Variants in CDH18 observed in about 807,000 individuals in gnomAD.
CDH18 encodes the protein cadherin 18, also known as cadherin-18.
CDH18 carries 31 observed loss-of-function variants against 67.9 expected under a neutral mutation model. The observed-to-expected ratio is 0.46, with a 90% CI of 0.34 to 0.62. The LOEUF (loss-of-function observed/expected upper bound fraction) is 0.62, where lower values mean the gene tolerates loss of function less well. Among genes scored for constraint, CDH18 ranks in the 20% least tolerant of loss-of-function variants. CDH18 has a pLI of 0.01. For missense variants in CDH18, 890 were observed against 975.5 expected, an observed-to-expected ratio of 0.91 and a Z score of 1.17; for synonymous variants, 362 against 347.2, an observed-to-expected ratio of 1.04 and a Z score of -0.48.
At chr5:20,224,126 A>G (rs1295780756) in intron 2 of CDH18, among the ~76,000 whole-genome samples, 7 of 152,278 alleles carry the variant, frequency 4.6e-5, no homozygotes. Context: ...ATGTCTTTTA[A>G]CTTGGCCCTT....
At chr5:20,486,892 T>C (rs1252272192) in intron 1 of CDH18, among the ~76,000 whole-genome samples, 1 of 152,144 alleles carries the variant, frequency 6.6e-6, no homozygotes, top group African/African-American at 2.4e-5. Context: ...AAACCAGATA[T>C]GGTTTTTGTT....
intron 5 of CDH18, among the ~76,000 whole-genome samples, chr5:19,671,050 G>A (rs923240582): frequency 1.1e-4 from 17 of 152,168 alleles, no homozygotes; most frequent in Non-Finnish European, 2.5e-4. Context: ...TATGTATGTA[G>A]AGATAAGTAG....
rs1747319090 is a variant in CDH18, at chr5:19,602,609, C to T, written c.811+9825G>A. The stretch of plus-strand genomic sequence containing the variant: ...TGTGGAGAAATTAGAACTCTTGTGC[C>T]CTGTTAGTGGAGCAGTGAAATGGTA... On this transcript the variant is annotated intron_variant, in intron 6 of 12. Transcript: ENST00000382275. Among the ~76,000 whole-genome samples, 4 of 151,608 alleles carry T rather than the reference C, an allele frequency of 2.6e-5. No homozygotes were observed. In the South Asian group the frequency reaches 8.3e-4, roughly 32 times the overall value.
intron 2 of CDH18, among the ~76,000 whole-genome samples, chr5:20,201,866 G>T (rs1209919336): frequency 6.6e-6 from 1 of 152,122 alleles, no homozygotes; most frequent in African/African-American, 2.4e-5. Flanking sequence ...TAAACTGCTA[G>T]CTTGAGTCAA....
chr5:20,439,887 C>T (rs1420854443), intron 1 of CDH18, among the ~76,000 whole-genome samples: 3 of 151,542 alleles, frequency 2.0e-5, no homozygotes, highest in African/African-American at 7.3e-5. Flanking sequence ...TTTTGAAGTA[C>T]TTCCAAAAAT....
chr5:20,266,571 A>ATTTTTTTTTTTT lies in CDH18; in HGVS notation c.-579-11078_-579-11067dup, dbSNP rs34718835. Among the ~76,000 whole-genome samples the ATTTTTTTTTTTT allele has an allele frequency of 2.9e-3, 172 of 59,188 alleles. 8 individuals are homozygous for ATTTTTTTTTTTT. The highest frequency in any genetic ancestry group is 7.4e-3 in the East Asian group (14 of 1,894). 38.8% of individuals were successfully genotyped at this position (59,188 alleles called of 152,430 possible). On this transcript the variant is annotated intron_variant, in intron 1 of 14. Coordinates refer to the CDH18 transcript ENST00000507958. ...GGCACGTGCCGGCACGCCCGGCTGA[A>ATTTTTTTTTTTT]TTTTTTTTTTTTTTTTTTTTTTTTT...
chr5:19,924,144 CA>C (rs1327325091), intron 2 of CDH18, among the ~76,000 whole-genome samples: 1 of 144,578 alleles, frequency 6.9e-6, no homozygotes, highest in Non-Finnish European at 1.5e-5. Context: ...CATTATTAAA[CA>C]AAAACTATAC....
At chr5:19,859,122 C>G (rs1784602955) in intron 2 of CDH18, among the ~76,000 whole-genome samples, 3 of 152,130 alleles carry the variant, frequency 2.0e-5, no homozygotes, top group Admixed American at 2.0e-4. Context: ...TTAAGCCCCA[C>G]AACTGACCGA....
chr5:20,287,548 A>C (rs1425053529), intron 1 of CDH18, among the ~76,000 whole-genome samples: 3 of 151,790 alleles, frequency 2.0e-5, no homozygotes, highest in Non-Finnish European at 4.4e-5. Flanking sequence ...AATAGTAAAC[A>C]AATATTAAAA....
intron 5 of CDH18, among the ~76,000 whole-genome samples, chr5:19,630,473 G>C (rs555402736): frequency 5.9e-5 from 9 of 151,710 alleles, no homozygotes; most frequent in Non-Finnish European, 1.2e-4. Flanking sequence ...AGGATCCATT[G>C]GGGTGTGTGT....
rs905513591 is a variant in CDH18 at position 20,189,437 on chromosome 5, T to C, written c.-518+66007A>G. Among the ~76,000 whole-genome samples, 6 of 152,246 alleles carry C rather than the reference T, an allele frequency of 3.9e-5. No homozygotes were observed. In the South Asian group the frequency reaches 8.3e-4, roughly 21 times the overall value. Reference sequence around the variant, plus strand: ...ATGGAAGACATTCAAATGATAACAATAGTTAACTCTCTCTAATGCCACTCA... The same window carrying C: ...ATGGAAGACATTCAAATGATAACAACAGTTAACTCTCTCTAATGCCACTCA... On this transcript the variant is annotated intron_variant, in intron 2 of 14. Transcript: ENST00000507958.
chr5:19,635,643 CAA>C (rs1453551448), intron 5 of CDH18, among the ~76,000 whole-genome samples: 1 of 152,082 alleles, frequency 6.6e-6, no homozygotes, highest in Non-Finnish European at 1.5e-5. Flanking sequence ...AACAAACAAA[CAA>C]AGAGTATAAA....
chr5:20,339,955 A>G (rs1232141743), intron 1 of CDH18, among the ~76,000 whole-genome samples: 1 of 152,204 alleles, frequency 6.6e-6, no homozygotes, highest in African/African-American at 2.4e-5. Flanking sequence ...GGGGAAGAGT[A>G]TTATCCAATT....
At chr5:20,196,625 T>A (rs78154226) in intron 2 of CDH18, among the ~76,000 whole-genome samples, 1,693 of 152,346 alleles carry the variant, frequency 0.011, 31 homozygotes, top group African/African-American at 0.038. Context: ...GGATTCAATG[T>A]TCCACTTTTT....
At chr5:19,891,016 A>G (rs919198215) in intron 2 of CDH18, among the ~76,000 whole-genome samples, 1 of 152,172 alleles carries the variant, frequency 6.6e-6, no homozygotes, top group African/African-American at 2.4e-5. Flanking sequence ...ATAGTGGATA[A>G]CATCCTTAGT....
At chr5:20,369,787 T>G (rs1470740868) in intron 1 of CDH18, among the ~76,000 whole-genome samples, 1 of 152,220 alleles carries the variant, frequency 6.6e-6, no homozygotes, top group East Asian at 1.9e-4. Context: ...TAATTTGTTG[T>G]TAGAATCAAG....
At chr5:20,122,237 C>T (rs1198724306) in intron 2 of CDH18, among the ~76,000 whole-genome samples, 1 of 152,234 alleles carries the variant, frequency 6.6e-6, no homozygotes, top group South Asian at 2.1e-4. Context: ...CACACCTACA[C>T]TCTGCTGGTT....
chr5:20,483,565 AG>A (rs1752966818), intron 1 of CDH18, among the ~76,000 whole-genome samples: 1 of 151,968 alleles, frequency 6.6e-6, no homozygotes, highest in African/African-American at 2.4e-5. Context: ...TGGCATTAAA[AG>A]AAAAGACACA....
intron 2 of CDH18, among the ~76,000 whole-genome samples, chr5:19,917,481 G>A (rs556722885): frequency 1.3e-5 from 2 of 152,078 alleles, no homozygotes; most frequent in African/African-American, 2.4e-5. Context: ...GTCTAAAAGA[G>A]TAGCAAACAC....
Sources: allele counts gnomAD v4.1 joint callset (sites outside exome capture counted in the v4.1 genomes callset), GRCh38; gene constraint gnomAD v4.1.1; transcripts MANE v1.5; gene names NCBI Gene and HGNC (gene_info 2026-07-23, HGNC 2026-07-21).